Variants in IGF1 observed in about 807,000 individuals in gnomAD.
IGF1 encodes insulin like growth factor 1.
IGF1 carries 4 observed loss-of-function variants against 13.8 expected under a neutral mutation model. The ratio of observed to expected loss-of-function variants is 0.29; its 90% CI spans 0.14 to 0.66. The LOEUF (loss-of-function observed/expected upper bound fraction) is 0.66. IGF1 is among the 30% of genes least tolerant of loss of function. IGF1 has a pLI of 0.78. For missense variants in IGF1, 124 were observed against 188.5 expected (o/e 0.66, Z 2.00); for synonymous variants, 76 against 72.6 (o/e 1.05, Z -0.23).
Position 102,401,612 on chromosome 12 carries a change from C to G in IGF1, c.*895G>C, listed in dbSNP as rs770254030. ...CAAACTACAAAATAGCACCATTATA[C>G]TAAAAAACAGAGTTTTACATACTGT... On this transcript the variant is annotated 3_prime_UTR_variant, in exon 4 of 4. Transcript: ENST00000337514. 6.6e-6 allele frequency: 1 copy of G among 152,508 alleles called. No individual in the cohort carries two copies. Among genetic ancestry groups the G allele is most frequent in the Non-Finnish European group, 1.5e-5 (1 of 68,008 alleles). 9.4% of individuals were successfully genotyped at this position (152,508 alleles called of 1,614,324 possible). A position where few individuals can be genotyped will look rare whatever the true frequency, so the allele number is the denominator to read the frequency against.
At chr12:102,472,582 T>C (rs1165150871) in intron 2 of IGF1, among the ~76,000 whole-genome samples, 1 of 152,136 alleles carries the variant, frequency 6.6e-6, no homozygotes, top group Non-Finnish European at 1.5e-5. Context: ...AAAATAAAAG[T>C]CACAGCCACA....
chr12:102,441,906 G>GCTGCTTCTGCTTCTTCTTCTT, intron 2 of IGF1, among the ~76,000 whole-genome samples: 1 of 100,290 alleles, frequency 1.0e-5, no homozygotes, highest in Non-Finnish European at 2.1e-5. Flanking sequence ...CTATTACACT[G>GCTGCTTCTGCTTCTTCTTCTT]CTTCTTCTCC....
At chr12:102,423,259 G>GAAAAAAAAAA (rs138450873) in intron 2 of IGF1, 1 of 43,122 alleles carries the variant, frequency 2.3e-5, no homozygotes. Context: ...TCGATGCTAC[G>GAAAAAAAAAA]AAAAAAAAAA....
rs897313948 is a variant in IGF1, at chr12:102,398,967, T to C, written c.*3540A>G. On this transcript the variant is annotated 3_prime_UTR_variant, in exon 4 of 4. Transcript: ENST00000337514. ...CTGGAGCCACAGAGCATGAGATGGTTTCATCTACACAAACATTGACGTTCC... is the reference window on the plus strand; with the variant it reads ...CTGGAGCCACAGAGCATGAGATGGTCTCATCTACACAAACATTGACGTTCC... The C allele has an allele frequency of 6.6e-5, 10 of 152,436 alleles. No homozygotes were observed. The highest frequency in any genetic ancestry group is 6.6e-4 in the Admixed American group (10 of 15,258). 9.4% of individuals were successfully genotyped at this position (152,436 alleles called of 1,614,324 possible). A position where few individuals can be genotyped will look rare whatever the true frequency, so the allele number is the denominator to read the frequency against.
chr12:102,438,015 G>T (rs1178676735), intron 2 of IGF1, among the ~76,000 whole-genome samples: 1 of 152,168 alleles, frequency 6.6e-6, no homozygotes, highest in African/African-American at 2.4e-5. Flanking sequence ...AAATCCTCCA[G>T]TTCAGAGATG....
At chr12:102,449,502 C>A (rs1038283417) in intron 2 of IGF1, among the ~76,000 whole-genome samples, 5 of 151,608 alleles carry the variant, frequency 3.3e-5, no homozygotes, top group African/African-American at 1.2e-4. Context: ...ATGTAAGAAA[C>A]CTGCACATTC....
Position 102,401,214 on chromosome 12 carries a change from C to A in IGF1, c.*1293G>T. ...TGAGGTAGGTAGATGACATATTGCCCCCATTTTGCAGATGAGGAAACTGAG... is the reference window on the plus strand; with the variant it reads ...TGAGGTAGGTAGATGACATATTGCCACCATTTTGCAGATGAGGAAACTGAG... On this transcript the variant is annotated 3_prime_UTR_variant, in exon 4 of 4. Coordinates refer to ENST00000337514, the MANE Select transcript of IGF1 (RefSeq NM_000618.5). 6.2e-6 allele frequency: 1 copy of A among 160,230 alleles called. No individual in the cohort carries two copies. The highest frequency in any genetic ancestry group is 1.9e-4 in the South Asian group (1 of 5,276). 9.9% of individuals were successfully genotyped at this position (160,230 alleles called of 1,614,324 possible).
At chr12:102,469,033 C>T (rs1450211206) in intron 2 of IGF1, among the ~76,000 whole-genome samples, 1 of 152,212 alleles carries the variant, frequency 6.6e-6, no homozygotes, top group Non-Finnish European at 1.5e-5. Flanking sequence ...TGCCAAAATT[C>T]TCTCCTGGAT....
In IGF1 at chr12:102,480,337, G is replaced by C. The variant is rs77017132; in HGVS notation, c.45C>G (p.Cys15Trp). 327 of 1,613,478 alleles carry C rather than the reference G, an allele frequency of 2.0e-4. 1 individual carries two copies. The highest frequency in any genetic ancestry group is 2.5e-4 in the Non-Finnish European group (294 of 1,179,598). ...SSLPTQLFKC[C>W]FCDFLKVKMH... ...TATTTACCTTCAAGAAATCACAAAA[G>C]CAGCACTTAAATAATTGGGTTGGAA... The change falls in exon 1 of 4, where the codon TGC becomes TGG. Residue 15 changes from cysteine (C) to tryptophan (W), a missense_variant. Physicochemically the swap from Cys to Trp is radical, Grantham distance 215 (BLOSUM62 -2). This residue lies in a region of IGF1 where 99 missense variants were observed against 171.4 expected (regional missense o/e 0.58). Coordinates refer to ENST00000337514, the MANE Select transcript of IGF1 (RefSeq NM_000618.5).
chr12:102,477,036 T>C (rs963158113), intron 1 of IGF1, among the ~76,000 whole-genome samples: 2 of 151,900 alleles, frequency 1.3e-5, no homozygotes, highest in African/African-American at 4.8e-5. Flanking sequence ...ATTAAAAGGG[T>C]TGTGGAGTCA....
chr12:102,416,317 T>G (rs1875137195), intron 3 of IGF1, among the ~76,000 whole-genome samples: 1 of 152,210 alleles, frequency 6.6e-6, no homozygotes, highest in East Asian at 1.9e-4. Flanking sequence ...TGCTTTATTA[T>G]CTATGAAGAC....
intron 2 of IGF1, among the ~76,000 whole-genome samples, chr12:102,441,957 T>TCTTCTTCTTCTTCTTCTTCTTC (rs71438463): frequency 5.3e-4 from 71 of 134,592 alleles, no homozygotes; most frequent in East Asian, 1.3e-3. Flanking sequence ...TTCTTCTTCT[T>TCTTCTTCTTCTTCTTCTTCTTC]TTTTTTTTTT....
chr12:102,452,653 C>G (rs1232830926), intron 2 of IGF1, among the ~76,000 whole-genome samples: 1 of 152,130 alleles, frequency 6.6e-6, no homozygotes, highest in Non-Finnish European at 1.5e-5. Flanking sequence ...TGATTATTGA[C>G]CCTCTGAGTT....
chr12:102,439,124 A>T (rs1221368328), intron 2 of IGF1, among the ~76,000 whole-genome samples: 1 of 152,234 alleles, frequency 6.6e-6, no homozygotes, highest in Admixed American at 6.5e-5. Context: ...GTAGGAACAC[A>T]TTAGTGAATG....
intron 2 of IGF1, among the ~76,000 whole-genome samples, chr12:102,452,290 A>AAAG (rs1879030018): frequency 6.8e-6 from 1 of 147,924 alleles, no homozygotes; most frequent in African/African-American, 2.5e-5. Context: ...AAAAAAAAAA[A>AAAG]GATATGTCTA....
chr12:102,410,249 A>T (rs1415095834), intron 3 of IGF1, among the ~76,000 whole-genome samples: 2 of 152,208 alleles, frequency 1.3e-5, no homozygotes, highest in African/African-American at 4.8e-5. Context: ...AGAGGTGTTT[A>T]TGTTGCCTTT....
intron 2 of IGF1, among the ~76,000 whole-genome samples, chr12:102,456,805 A>G (rs1181412151): frequency 6.6e-6 from 1 of 152,208 alleles, no homozygotes; most frequent in African/African-American, 2.4e-5. Context: ...AAGGAATGAC[A>G]GTCCCCACGT....
At chr12:102,443,922 G>A (rs1266811401) in intron 2 of IGF1, among the ~76,000 whole-genome samples, 1 of 151,892 alleles carries the variant, frequency 6.6e-6, no homozygotes, top group African/African-American at 2.4e-5. Context: ...TGCCTCCCGG[G>A]GTTCAAGTGA....
intron 2 of IGF1, among the ~76,000 whole-genome samples, chr12:102,471,461 TTAA>T (rs1880683667): frequency 6.6e-6 from 1 of 152,188 alleles, no homozygotes; most frequent in African/African-American, 2.4e-5. Context: ...GAAGCTTGAC[TTAA>T]TAATAATAAC....
Sources: gnomAD v4.1 joint callset for allele counts (sites outside exome capture counted in the v4.1 genomes callset) on GRCh38, gnomAD v4.1.1 for gene constraint, gnomAD v4.1.1 regional missense constraint, MANE v1.5 for transcripts, NCBI Gene and HGNC (gene_info 2026-07-23, HGNC 2026-07-21) for gene names.